The following PLEKHA7 variants were observed in gnomAD, a reference collection of about 807,000 sequenced individuals.
PLEKHA7 encodes pleckstrin homology domain-containing family A member 7.
PLEKHA7 carries 104 observed loss-of-function variants against 170.0 expected under a neutral mutation model. The ratio of observed to expected loss-of-function variants is 0.61; its 90% CI spans 0.52 to 0.72. The LOEUF (loss-of-function observed/expected upper bound fraction) is 0.72. PLEKHA7 is among the 30% of genes least tolerant of loss of function. The probability of loss-of-function intolerance (pLI) is 0.00; values close to 1 mark genes in which losing one functional copy is unlikely to be tolerated. For missense variants in PLEKHA7, 1,615 were observed against 1,671.7 expected, an observed-to-expected ratio of 0.97 and a Z score of 0.59; for synonymous variants, 648 against 660.8, an observed-to-expected ratio of 0.98 and a Z score of 0.30.
chr11:16,957,761 T>A (rs1162471416), intron 3 of PLEKHA7, among the ~76,000 whole-genome samples: 1 of 139,760 alleles, frequency 7.2e-6, no homozygotes, highest in Non-Finnish European at 1.5e-5. Context: ...TGGAGTGCAA[T>A]GGCACAATCT....
intron 4 of PLEKHA7, among the ~76,000 whole-genome samples, chr11:16,870,030 C>CTT (rs113385092): frequency 6.6e-6 from 1 of 152,102 alleles, no homozygotes. Flanking sequence ...TCTTACCTTC[C>CTT]TTTTTTGGGA....
intron 3 of PLEKHA7, among the ~76,000 whole-genome samples, chr11:16,879,247 A>G (rs962972856): frequency 6.6e-6 from 1 of 152,156 alleles, no homozygotes; most frequent in Non-Finnish European, 1.5e-5. Context: ...AGTAAGATCC[A>G]AGGGTTGGGA....
intron 3 of PLEKHA7, among the ~76,000 whole-genome samples, chr11:16,988,998 A>G (rs570510459): frequency 6.6e-6 from 1 of 152,290 alleles, no homozygotes; most frequent in African/African-American, 2.4e-5. Flanking sequence ...TGCCCATCAC[A>G]GTCAACCCTT....
rs551790217 is a variant in PLEKHA7, at chr11:16,973,725, G to C, written c.221+40264C>G. On this transcript the variant is annotated intron_variant, in intron 3 of 26. Coordinates refer to ENST00000531066, the MANE Select transcript of PLEKHA7 (RefSeq NM_001329630.2). ...GGGCCCTATGCCTTGAGCCCACCCT[G>C]TCTGCCTCCAAAGTCCATGCCCTCC... 6.6e-5 allele frequency among the ~76,000 whole-genome samples: 10 copies of C among 152,200 alleles called. No individual in the cohort carries two copies. In the South Asian group the frequency reaches 1.7e-3, roughly 25 times the overall value.
At chr11:16,929,854 A>G (rs1403697662) in intron 3 of PLEKHA7, among the ~76,000 whole-genome samples, 1 of 151,882 alleles carries the variant, frequency 6.6e-6, no homozygotes, top group Non-Finnish European at 1.5e-5. Context: ...AATACAAAAA[A>G]TTAGCTGGGC....
intron 10 of PLEKHA7, among the ~76,000 whole-genome samples, chr11:16,820,483 G>A (rs1342166373): frequency 2.0e-5 from 3 of 152,130 alleles, no homozygotes; most frequent in African/African-American, 2.4e-5. Context: ...GTTTGCTATC[G>A]ATCTCCCAAA....
intron 19 of PLEKHA7, 40 bp downstream of exon 19, chr11:16,794,448 A>C (rs1247288750): frequency 6.4e-7 from 1 of 1,562,002 alleles, no homozygotes; most frequent in Non-Finnish European, 8.8e-7. Flanking sequence ...GAGGACAGAG[A>C]GGAAACAATG....
At chr11:16,979,723 A>G (rs1258908316) in intron 3 of PLEKHA7, among the ~76,000 whole-genome samples, 6 of 152,202 alleles carry the variant, frequency 3.9e-5, no homozygotes, top group Non-Finnish European at 5.9e-5. Context: ...TAAAAAAAAA[A>G]AAGACATATT....
chr11:16,949,165 A>G (rs7119088), intron 3 of PLEKHA7, among the ~76,000 whole-genome samples: 59,054 of 151,248 alleles, frequency 0.39, 12,322 homozygotes, highest in African/African-American at 0.51. Flanking sequence ...TTATCTGTCT[A>G]TCTGTTTCAG....
At chr11:16,851,423 A>T in intron 7 of PLEKHA7, 132 bp from the exon 8 acceptor site, 1 of 505,886 alleles carries the variant, frequency 2.0e-6, no homozygotes, top group Non-Finnish European at 3.5e-6. Context: ...ACCCACACAC[A>T]GGCAAAGCTC....
At chr11:16,849,928 A>G (rs1432206567) in intron 8 of PLEKHA7, among the ~76,000 whole-genome samples, 1 of 152,216 alleles carries the variant, frequency 6.6e-6, no homozygotes, top group African/African-American at 2.4e-5. Flanking sequence ...GTAAAGCCAC[A>G]GCATCAGCTC....
chr11:16,868,356 G>T (rs1412773122), intron 4 of PLEKHA7, among the ~76,000 whole-genome samples: 5 of 152,098 alleles, frequency 3.3e-5, no homozygotes, highest in African/African-American at 1.2e-4. Flanking sequence ...TCTTCTCCAT[G>T]CCTCTAATCT....
At chr11:16,982,780 T>TACAGAC (rs1863509085) in intron 3 of PLEKHA7, among the ~76,000 whole-genome samples, 1 of 144,026 alleles carries the variant, frequency 6.9e-6, no homozygotes, top group Non-Finnish European at 1.5e-5. Flanking sequence ...CACTATCCCC[T>TACAGAC]ACACACACAC....
At chr11:16,847,518 GGGGCCTCGTGAATCAC>G (rs1852541671) in intron 8 of PLEKHA7, among the ~76,000 whole-genome samples, 2 of 142,678 alleles carry the variant, frequency 1.4e-5, no homozygotes, top group Non-Finnish European at 3.3e-5. Context: ...GATATAAGCT[GGGGCCTCGTGAATCAC>G]AATTGGCTTA....
chr11:16,996,141 G>A lies in PLEKHA7; in HGVS notation c.221+17848C>T, dbSNP rs74333560. 4.6e-5 allele frequency among the ~76,000 whole-genome samples: 7 copies of A among 152,326 alleles called. No individual in the cohort carries two copies. The East Asian group carries it at 5.8e-4, about 13-fold the overall frequency. ...ATGTTCTGGAGACTAAGTAGTTTAC[G>A]TGTATTATTCTCATTTAATCTCTGC... On this transcript the variant is annotated intron_variant, in intron 3 of 26. Transcript: ENST00000531066.
chr11:17,011,919 C>T (rs1344608544), intron 3 of PLEKHA7, among the ~76,000 whole-genome samples: 1 of 151,536 alleles, frequency 6.6e-6, no homozygotes, highest in Admixed American at 6.6e-5. Flanking sequence ...CTCAGGTGCC[C>T]AAGCCCTGAG....
At chr11:16,851,441 T>A in intron 7 of PLEKHA7, 150 bp from the exon 8 acceptor site, 1 of 466,716 alleles carries the variant, frequency 2.1e-6, no homozygotes, top group Non-Finnish European at 3.8e-6. Flanking sequence ...CTCTACCCAT[T>A]CTTTTTATTT....
At chr11:16,981,441 A>C (rs977608441) in intron 3 of PLEKHA7, among the ~76,000 whole-genome samples, 1 of 152,152 alleles carries the variant, frequency 6.6e-6, no homozygotes, top group African/African-American at 2.4e-5. Flanking sequence ...GGTCCACGGA[A>C]GAGAAGAGCT....
chr11:16,807,054 A>G, intron 13 of PLEKHA7: 1 of 548,334 alleles, frequency 1.8e-6, no homozygotes, highest in Non-Finnish European at 2.3e-6. Context: ...GGCGGTCAGG[A>G]GAGCAACTGG....
Sources: allele counts gnomAD v4.1 joint callset (sites outside exome capture counted in the v4.1 genomes callset), GRCh38; gene constraint gnomAD v4.1.1; transcripts MANE v1.5; gene names NCBI Gene and HGNC (gene_info 2026-07-23, HGNC 2026-07-21).